FHIP1A: variants seen among roughly 807,000 people sequenced by gnomAD.
The protein encoded by FHIP1A is FHF complex subunit HOOK-interacting protein 1A.
In FHIP1A, 61 loss-of-function variants were observed where a neutral mutation model predicts 88.6. The ratio of observed to expected loss-of-function variants is 0.69; its 90% CI spans 0.56 to 0.85. The LOEUF is 0.85. FHIP1A is among the 40% of genes least tolerant of loss of function. The pLI, the probability that FHIP1A is intolerant of heterozygous loss-of-function variation, is 0.00. For missense variants in FHIP1A, 1,154 were observed against 1,273.5 expected (o/e 0.91, Z 1.43); for synonymous variants, 478 against 496.0 (o/e 0.96, Z 0.48).
At position 151,580,839 on chromosome 4, in the gene FHIP1A, T is replaced by G. The variant is rs149816295; in HGVS notation, c.732+2763T>G. On this transcript the variant is annotated intron_variant, in intron 5 of 13. Coordinates refer to ENST00000435205, the MANE Select transcript of FHIP1A (RefSeq NM_001109977.3). ...AACAGCAGTAAATCAAAAAACATGT[T>G]GAATTATTTATTTATTTATTTATTT... is the stretch of plus-strand genomic sequence containing the variant. 2.4e-3 allele frequency among the ~76,000 whole-genome samples: 371 copies of G among 152,224 alleles called. 2 individuals carry two copies. Among genetic ancestry groups the G allele is most frequent in the African/African-American group, 8.1e-3 (336 of 41,548 alleles).
chr4:151,524,903 AG>A (rs1276045689), intron 3 of FHIP1A, among the ~76,000 whole-genome samples: 1 of 152,200 alleles, frequency 6.6e-6, no homozygotes, highest in African/African-American at 2.4e-5. Flanking sequence ...TTTTGAACTA[AG>A]ATACTATAAT....
chr4:151,625,765 T>G (rs1735931128), intron 7 of FHIP1A, among the ~76,000 whole-genome samples: 1 of 152,216 alleles, frequency 6.6e-6, no homozygotes, highest in South Asian at 2.1e-4. Context: ...TCTGGGAAGC[T>G]TGAAATTCTA....
chr4:151,413,208 T>C (rs938703977), intron 1 of FHIP1A, among the ~76,000 whole-genome samples: 2 of 152,038 alleles, frequency 1.3e-5, no homozygotes, highest in African/African-American at 4.8e-5. Flanking sequence ...ATAAATACCT[T>C]GATAGATTGA....
At chr4:151,511,440 A>G (rs1731024724) in intron 3 of FHIP1A, among the ~76,000 whole-genome samples, 1 of 152,208 alleles carries the variant, frequency 6.6e-6, no homozygotes, top group African/African-American at 2.4e-5. Flanking sequence ...GGCGCAGGAC[A>G]GTGGGTGCAG....
intron 4 of FHIP1A, among the ~76,000 whole-genome samples, chr4:151,573,558 G>T (rs1560776242): frequency 6.6e-6 from 1 of 151,938 alleles, no homozygotes; most frequent in Non-Finnish European, 1.5e-5. Context: ...GATCCCTCTG[G>T]CCCCATTAAT....
At chr4:151,489,139 C>G (rs1354254331) in intron 3 of FHIP1A, among the ~76,000 whole-genome samples, 1 of 152,246 alleles carries the variant, frequency 6.6e-6, no homozygotes, top group Non-Finnish European at 1.5e-5. Context: ...TCTGCCTCTG[C>G]ACCCACATCC....
At chr4:151,584,673 G>A (rs758508616) in intron 5 of FHIP1A, among the ~76,000 whole-genome samples, 2 of 151,980 alleles carry the variant, frequency 1.3e-5, no homozygotes, top group East Asian at 1.9e-4. Flanking sequence ...TGCCCCACAC[G>A]CTCCTCATGT....
chr4:151,531,246 G>A (rs1372977), intron 3 of FHIP1A, among the ~76,000 whole-genome samples: 74,847 of 150,956 alleles, frequency 0.5, 18,775 homozygotes, highest in Non-Finnish European at 0.55. Flanking sequence ...CATTTGGAAC[G>A]TTCAGGCATA....
At chr4:151,595,546 C>T (rs540748105) in intron 7 of FHIP1A, among the ~76,000 whole-genome samples, 1 of 152,194 alleles carries the variant, frequency 6.6e-6, no homozygotes, top group African/African-American at 2.4e-5. Flanking sequence ...TCTGCTTGGT[C>T]CAGAGCTGAG....
At chr4:151,539,938 G>A (rs748326495) in intron 3 of FHIP1A, among the ~76,000 whole-genome samples, 1 of 152,122 alleles carries the variant, frequency 6.6e-6, no homozygotes, top group Admixed American at 6.6e-5. Context: ...TAAATGATTG[G>A]CAAAGATGTT....
At chr4:151,634,873 G>A (rs900017714) in intron 8 of FHIP1A, among the ~76,000 whole-genome samples, 7 of 151,772 alleles carry the variant, frequency 4.6e-5, no homozygotes, top group East Asian at 3.9e-4. Flanking sequence ...CACCAGAAGC[G>A]TAGGGAAAAA....
chr4:151,494,042 T>G (rs1379162426), intron 3 of FHIP1A, among the ~76,000 whole-genome samples: 2 of 152,228 alleles, frequency 1.3e-5, no homozygotes, highest in Non-Finnish European at 2.9e-5. Context: ...TTGTCCCTGT[T>G]TACTGATGAC....
intron 11 of FHIP1A, among the ~76,000 whole-genome samples, chr4:151,651,378 G>A (rs1277158545): frequency 6.6e-6 from 1 of 152,260 alleles, no homozygotes; most frequent in East Asian, 1.9e-4. Flanking sequence ...AGAGGGAATC[G>A]CCATAGATGA....
chr4:151,655,492 T>C (rs1467316971), intron 11 of FHIP1A, among the ~76,000 whole-genome samples: 3 of 152,220 alleles, frequency 2.0e-5, no homozygotes, highest in Non-Finnish European at 4.4e-5. Context: ...ATACGGATTT[T>C]ATTTTTTAAG....
chr4:151,556,176 G>A (rs1379522324), intron 3 of FHIP1A, among the ~76,000 whole-genome samples: 2 of 152,134 alleles, frequency 1.3e-5, no homozygotes, highest in Admixed American at 6.5e-5. Flanking sequence ...AAAGCTGAAA[G>A]TTCTCTAGAA....
intron 1 of FHIP1A, among the ~76,000 whole-genome samples, chr4:151,432,937 G>A (rs778785757): frequency 6.6e-6 from 1 of 152,086 alleles, no homozygotes; most frequent in African/African-American, 2.4e-5. Flanking sequence ...TCCTGGGTGA[G>A]GTACCATTTA....
intron 3 of FHIP1A, among the ~76,000 whole-genome samples, chr4:151,482,854 C>T (rs1181362400): frequency 6.6e-6 from 1 of 152,016 alleles, no homozygotes; most frequent in Non-Finnish European, 1.5e-5. Flanking sequence ...CATCTTGACC[C>T]TCTGGTAGCA....
chr4:151,434,648 G>T (rs996442819), intron 1 of FHIP1A, among the ~76,000 whole-genome samples: 23 of 152,138 alleles, frequency 1.5e-4, no homozygotes, highest in African/African-American at 5.6e-4. Context: ...AATGTTACCA[G>T]TTGGCTCATT....
intron 8 of FHIP1A, among the ~76,000 whole-genome samples, chr4:151,635,846 T>C (rs878971208): frequency 2.2e-4 from 34 of 152,002 alleles, no homozygotes; most frequent in African/African-American, 8.2e-4. Flanking sequence ...ATTTGTATGC[T>C]TAAAAATCAT....
Sources: allele counts gnomAD v4.1 joint callset (sites outside exome capture counted in the v4.1 genomes callset), GRCh38; gene constraint gnomAD v4.1.1; transcripts MANE v1.5; gene names NCBI Gene and HGNC (gene_info 2026-07-23, HGNC 2026-07-21).